The following TASP1 variants were observed in gnomAD, a reference collection of about 807,000 sequenced individuals.
The protein encoded by TASP1 is threonine aspartase 1.
Under a neutral mutation model 56.6 loss-of-function variants are expected in TASP1, and 16 were observed. The ratio of observed to expected loss-of-function variants is 0.28; its 90% CI spans 0.19 to 0.43. The LOEUF (loss-of-function observed/expected upper bound fraction) is 0.43. Ranked by LOEUF, TASP1 falls within the 20% of genes least tolerant of loss-of-function variation. The probability of loss-of-function intolerance (pLI) is 1.00; values close to 1 mark genes in which losing one functional copy is unlikely to be tolerated. For missense variants in TASP1, 393 were observed against 511.6 expected (o/e 0.77, Z 2.24); for synonymous variants, 179 against 184.2 (o/e 0.97, Z 0.23).
At chr20:13,197,866 T>G in the TASP1 span, among the ~76,000 whole-genome samples, 3 of 152,234 alleles carry the variant, frequency 2.0e-5, no homozygotes, top group Non-Finnish European at 1.5e-5. Context: ...GTTTAACCTT[T>G]ATCTGTTTAT....
the TASP1 span, among the ~76,000 whole-genome samples, chr20:13,225,199 T>C: frequency 3.9e-5 from 6 of 152,252 alleles, no homozygotes; most frequent in Non-Finnish European, 1.5e-5. Flanking sequence ...AATTAGGTGC[T>C]ATCATTATCC....
At chr20:13,393,017 G>T in intron 13 of TASP1, 1 of 582,846 alleles carries the variant, frequency 1.7e-6, no homozygotes, top group South Asian at 1.6e-5. Flanking sequence ...TTGCAGCAGG[G>T]AGCCAAAAGG....
chr20:13,578,323 T>C (rs903793466), intron 6 of TASP1, among the ~76,000 whole-genome samples: 2 of 152,112 alleles, frequency 1.3e-5, no homozygotes, highest in Non-Finnish European at 2.9e-5. Flanking sequence ...TACTGATTTT[T>C]AAAATTTGGG....
chr20:13,406,668 CT>C (rs149352395), intron 13 of TASP1, among the ~76,000 whole-genome samples: 51,912 of 117,202 alleles, frequency 0.44, 10,391 homozygotes, highest in Non-Finnish European at 0.55. Flanking sequence ...AGGGTTTTTT[CT>C]TTTTTTTTTT....
chr20:13,276,659 C>T, the TASP1 span, among the ~76,000 whole-genome samples: 1 of 147,264 alleles, frequency 6.8e-6, no homozygotes, highest in Non-Finnish European at 1.5e-5. Context: ...GATCTAGAGA[C>T]TTTGTCAGTT....
At chr20:13,398,958 T>C (rs184987732) in intron 13 of TASP1, among the ~76,000 whole-genome samples, 15 of 152,342 alleles carry the variant, frequency 9.8e-5, no homozygotes, top group Non-Finnish European at 1.9e-4. Context: ...ATCAGCTTTT[T>C]GCTTTCACCT....
chr20:13,359,875 C>A, the TASP1 span, among the ~76,000 whole-genome samples: 1,458 of 151,952 alleles, frequency 9.6e-3, 17 homozygotes, highest in African/African-American at 0.034. Flanking sequence ...TACCTCTACT[C>A]CCTCCTTGGC....
intron 7 of TASP1, among the ~76,000 whole-genome samples, chr20:13,564,843 A>C (rs994620854): frequency 6.6e-6 from 1 of 151,836 alleles, no homozygotes; most frequent in Non-Finnish European, 1.5e-5. Context: ...TCTACTAAAA[A>C]TACAAAAAAA....
the TASP1 span, among the ~76,000 whole-genome samples, chr20:13,234,785 G>A: frequency 3.7e-4 from 57 of 152,008 alleles, no homozygotes; most frequent in African/African-American, 9.4e-4. Context: ...GTCCTTTGTC[G>A]ACTTTTTAAC....
chr20:13,285,519 C>T, the TASP1 span, among the ~76,000 whole-genome samples: 1 of 152,108 alleles, frequency 6.6e-6, no homozygotes, highest in Admixed American at 6.5e-5. Context: ...GGTCCCTCCC[C>T]CTCCAGGAGG....
At chr20:13,122,899 G>A in the TASP1 span, among the ~76,000 whole-genome samples, 6 of 152,264 alleles carry the variant, frequency 3.9e-5, no homozygotes, top group South Asian at 2.1e-4. Context: ...CTACCAATGC[G>A]TAGTCACACA....
the TASP1 span, among the ~76,000 whole-genome samples, chr20:13,367,264 C>G: frequency 6.6e-6 from 1 of 152,188 alleles, no homozygotes; most frequent in African/African-American, 2.4e-5. Context: ...TTTTAACTGT[C>G]TTGGGCTTTG....
chr20:13,630,638 G>A lies in TASP1; in HGVS notation c.-74-486C>T, dbSNP rs148056934. On this transcript the variant is annotated intron_variant, in intron 1 of 13. Coordinates refer to ENST00000337743, the MANE Select transcript of TASP1 (RefSeq NM_017714.3). ...CAGGAGGCAGAAGTTGCAGTGAGCC[G>A]AGATCGCACCACTACACTCCAGCCT... Among the ~76,000 whole-genome samples, 14 of 134,482 alleles carry A rather than the reference G, an allele frequency of 1.0e-4. No homozygotes were observed. In the East Asian group the frequency reaches 2.8e-3, roughly 26 times the overall value. 88.2% of individuals were successfully genotyped at this position (134,482 alleles called of 152,430 possible). A position where few individuals can be genotyped will look rare whatever the true frequency, so the allele number is the denominator to read the frequency against.
the TASP1 span, among the ~76,000 whole-genome samples, chr20:13,117,106 G>T: frequency 4.6e-5 from 7 of 152,238 alleles, no homozygotes; most frequent in East Asian, 1.4e-3. Context: ...AACAGACCTG[G>T]CCAAAAAGGC....
the TASP1 span, among the ~76,000 whole-genome samples, chr20:13,230,297 CT>C: frequency 2.6e-5 from 4 of 152,080 alleles, no homozygotes; most frequent in Non-Finnish European, 4.4e-5. Context: ...ACTTTGTTCA[CT>C]TTTTTTTCTT....
chr20:13,164,262 G>A, the TASP1 span: 11 of 452,720 alleles, frequency 2.4e-5, no homozygotes, highest in Non-Finnish European at 4.5e-5. Flanking sequence ...GGGACACAGA[G>A]ATGAGTATTT....
At chr20:13,387,541 A>T (rs565992605), downstream of TASP1, among the ~76,000 whole-genome samples, 3 of 151,938 alleles carry the variant, frequency 2.0e-5, no homozygotes, top group Non-Finnish European at 4.4e-5. Flanking sequence ...TATGTACCAC[A>T]TTTTCTTTAT....
chr20:13,288,469 A>G, the TASP1 span: 1 of 1,501,006 alleles, frequency 6.7e-7, no homozygotes, highest in Non-Finnish European at 9.1e-7. Context: ...AATAATTGAC[A>G]GGCTGCTTGA....
the TASP1 span, among the ~76,000 whole-genome samples, chr20:13,339,884 T>C: frequency 1.3e-5 from 2 of 152,094 alleles, no homozygotes; most frequent in African/African-American, 4.8e-5. Context: ...TTGATTCCTT[T>C]AAAAATATTA....
Sources: allele counts gnomAD v4.1 joint callset (sites outside exome capture counted in the v4.1 genomes callset), GRCh38; gene constraint gnomAD v4.1.1; transcripts MANE v1.5; gene names NCBI Gene and HGNC (gene_info 2026-07-23, HGNC 2026-07-21).